The following LMBR1 variants were observed in gnomAD, a reference collection of about 807,000 sequenced individuals.
LMBR1 encodes the protein limb development membrane protein 1, also known as limb region 1 protein homolog.
In LMBR1, 52 loss-of-function variants were observed where a neutral mutation model predicts 73.9. The observed-to-expected ratio is 0.70, with a 90% CI of 0.56 to 0.89. The LOEUF (loss-of-function observed/expected upper bound fraction) is 0.89. Ranked by LOEUF, LMBR1 falls within the 40% of genes least tolerant of loss-of-function variation. The pLI is 0.00. For missense variants in LMBR1, 539 were observed against 579.8 expected (o/e 0.93, Z 0.72); for synonymous variants, 215 against 209.4 (o/e 1.03, Z -0.23).
At chr7:156,870,587 A>C (rs1799128427) in intron 1 of LMBR1, among the ~76,000 whole-genome samples, 1 of 152,074 alleles carries the variant, frequency 6.6e-6, no homozygotes, top group African/African-American at 2.4e-5. Context: ...AACACGGTGA[A>C]ACCCCATCTC....
At chr7:156,709,573 T>C (rs1441768402) in intron 15 of LMBR1, among the ~76,000 whole-genome samples, 2 of 152,174 alleles carry the variant, frequency 1.3e-5, no homozygotes, top group Non-Finnish European at 2.9e-5. Context: ...CAGAGCCTGG[T>C]AGCCCTGCTG....
intron 1 of LMBR1, among the ~76,000 whole-genome samples, chr7:156,863,059 C>G (rs1232195226): frequency 6.6e-6 from 1 of 152,064 alleles, no homozygotes; most frequent in Non-Finnish European, 1.5e-5. Context: ...GCTAAGAACC[C>G]TAATTGCATT....
At position 156,892,878 on chromosome 7, in the gene LMBR1, G is replaced by A. The variant is rs201253725; in HGVS notation, c.66+50C>T. 4,109 of 1,352,354 alleles carry A rather than the reference G, an allele frequency of 3.0e-3. 14 individuals carry two copies. Among genetic ancestry groups the A allele is most frequent in the Middle Eastern group, 4.4e-3 (17 of 3,864 alleles). The allele number at this position is 1,352,354 out of a possible 1,614,324, so 83.8% of individuals were successfully genotyped here. On this transcript the variant is annotated intron_variant, in intron 1 of 16. Transcript: ENST00000353442. ...CGGGGGCCCGGGGGCGGGGACGGAG[G>A]GCCCGGGCGGGCACGCGGGACTGTC...
At chr7:156,892,233 A>T (rs538637978) in intron 1 of LMBR1, among the ~76,000 whole-genome samples, 1 of 152,202 alleles carries the variant, frequency 6.6e-6, no homozygotes, top group Non-Finnish European at 1.5e-5. Context: ...ACTCCCAAAA[A>T]TAACCAATAT....
intron 15 of LMBR1, among the ~76,000 whole-genome samples, chr7:156,691,024 A>G (rs769254184): frequency 2.6e-5 from 4 of 152,122 alleles, no homozygotes; most frequent in Admixed American, 6.5e-5. Context: ...CAAATGTAAA[A>G]GAGTTTTAAA....
intron 8 of LMBR1, among the ~76,000 whole-genome samples, chr7:156,757,017 T>C (rs906120681): frequency 6.6e-6 from 1 of 152,160 alleles, no homozygotes; most frequent in Non-Finnish European, 1.5e-5. Context: ...GGTTTCACCG[T>C]GTTGACCAAG....
chr7:156,691,107 ATAC>A (rs559500112), intron 15 of LMBR1, among the ~76,000 whole-genome samples: 11 of 152,330 alleles, frequency 7.2e-5, no homozygotes, highest in Admixed American at 2.0e-4. Flanking sequence ...ATTAGAAGTA[ATAC>A]TACTATTAAA....
rs150654392 is a variant in LMBR1, at chr7:156,701,823, C to G, written c.1226-13632G>C. Among the ~76,000 whole-genome samples the G allele has an allele frequency of 4.3e-3, 657 of 152,306 alleles. 11 individuals carry two copies. Among genetic ancestry groups the G allele is most frequent in the East Asian group, 0.035 (182 of 5,182 alleles). On this transcript the variant is annotated intron_variant, in intron 15 of 16. Transcript: ENST00000353442. The stretch of plus-strand genomic sequence containing the variant: ...GGCCCAGTGTGTGTTGTTCCCCTCC[C>G]TGTGTCCATGTATTCTCATTGTTCA...
chr7:156,893,157 A>G lies in LMBR1; in HGVS notation c.-164T>C. 9.1e-6 allele frequency: 5 copies of G among 549,902 alleles called. No individual in the cohort carries two copies. The highest frequency in any genetic ancestry group is 1.4e-5 in the Non-Finnish European group (5 of 363,530). The allele number at this position is 549,902 out of a possible 1,614,324, so 34.1% of individuals were successfully genotyped here. ...CGACCACGACACCGGCCGTCGCCTCAGCAGCCTCAGACGAGCAGCTCTGAC... is the reference window on the plus strand; with the variant it reads ...CGACCACGACACCGGCCGTCGCCTCGGCAGCCTCAGACGAGCAGCTCTGAC... On this transcript the variant is annotated 5_prime_UTR_variant, in exon 1 of 17. Transcript: ENST00000353442.
chr7:156,831,046 GGGA>G (rs1344823443), intron 3 of LMBR1, among the ~76,000 whole-genome samples: 1 of 152,198 alleles, frequency 6.6e-6, no homozygotes, highest in Non-Finnish European at 1.5e-5. Context: ...ACTGGAAATG[GGGA>G]GGAGGACACA....
chr7:156,717,541 G>C (rs1048390839), intron 15 of LMBR1, among the ~76,000 whole-genome samples: 1 of 152,180 alleles, frequency 6.6e-6, no homozygotes, highest in Non-Finnish European at 1.5e-5. Context: ...AGACAGACAA[G>C]ATGTGGGGGG....
chr7:156,698,375 G>C (rs569856118), intron 15 of LMBR1, among the ~76,000 whole-genome samples: 1 of 152,346 alleles, frequency 6.6e-6, no homozygotes, highest in East Asian at 1.9e-4. Context: ...TGCCCCAGTA[G>C]GGACTCCGTG....
At chr7:156,840,398 T>C (rs1259040985) in intron 1 of LMBR1, among the ~76,000 whole-genome samples, 1 of 151,670 alleles carries the variant, frequency 6.6e-6, no homozygotes, top group Admixed American at 6.6e-5. Context: ...TGCAGAAATC[T>C]AGAGGAACGG....
chr7:156,688,222 G>A (rs775072481), intron 15 of LMBR1, 31 bp from the exon 16 acceptor site: 1 of 1,507,270 alleles, frequency 6.6e-7, no homozygotes, highest in Non-Finnish European at 9.0e-7. Flanking sequence ...AGCCCTTAAT[G>A]AAATCAGGTT....
chr7:156,701,944 C>G (rs1311199347), intron 15 of LMBR1, among the ~76,000 whole-genome samples: 2 of 152,180 alleles, frequency 1.3e-5, no homozygotes, highest in African/African-American at 4.8e-5. Context: ...CATATCCAGG[C>G]AAAGGACATG....
At chr7:156,888,407 C>T (rs868332208) in intron 1 of LMBR1, among the ~76,000 whole-genome samples, 35 of 110,266 alleles carry the variant, frequency 3.2e-4, no homozygotes, top group Middle Eastern at 8.9e-3. Context: ...GAGACTCTGT[C>T]TCAAAAAAAA....
chr7:156,713,245 A>G (rs1365674410), intron 15 of LMBR1, among the ~76,000 whole-genome samples: 1 of 152,030 alleles, frequency 6.6e-6, no homozygotes. Flanking sequence ...AGAGAGAGAG[A>G]GGGATAAATA....
rs1343950098 is a variant in LMBR1 at position 156,680,403 on chromosome 7, A to AGAGAGAGAGAGT, written c.*3674_*3675insACTCTCTCTCTC. ...GAGAGAGAGAGAGAGAGAGAGAGAG[A>AGAGAGAGAGAGT]GTGTGTGTGTGTGTGTGTGTGTAAT... On this transcript the variant is annotated 3_prime_UTR_variant, in exon 17 of 17. Coordinates refer to ENST00000353442, the MANE Select transcript of LMBR1 (RefSeq NM_022458.4). The AGAGAGAGAGAGT allele has an allele frequency of 9.1e-4, 114 of 125,162 alleles. No individual in the cohort carries two copies. The highest frequency in any genetic ancestry group is 2.8e-3 in the African/African-American group (90 of 32,664). 7.8% of individuals were successfully genotyped at this position (125,162 alleles called of 1,614,324 possible).
chr7:156,852,618 T>C (rs1369007855), intron 1 of LMBR1, among the ~76,000 whole-genome samples: 3 of 152,218 alleles, frequency 2.0e-5, no homozygotes, highest in African/African-American at 7.2e-5. Flanking sequence ...TTATTGCCTT[T>C]TGCTAAACAG....
Sources: allele counts gnomAD v4.1 joint callset (sites outside exome capture counted in the v4.1 genomes callset), GRCh38; gene constraint gnomAD v4.1.1; transcripts MANE v1.5; gene names NCBI Gene and HGNC (gene_info 2026-07-23, HGNC 2026-07-21).